SETDB1: variants seen among roughly 807,000 people sequenced by gnomAD.
SETDB1 encodes the protein SET domain bifurcated histone lysine methyltransferase 1.
SETDB1 carries 31 observed loss-of-function variants against 137.4 expected under a neutral mutation model. The ratio of observed to expected loss-of-function variants is 0.23; its 90% CI spans 0.17 to 0.30. SETDB1 has a LOEUF of 0.30. SETDB1 is among the 10% of genes least tolerant of loss of function. SETDB1 has a pLI of 1.00. For synonymous variants in SETDB1, 548 were observed against 579.9 expected (o/e 0.95, Z 0.79); for missense variants, 1,113 against 1,631.5 (o/e 0.68, Z 5.47).
rs1045911494 is a variant in SETDB1, at chr1:150,962,139, G to T, written c.3142G>T (p.Asp1048Tyr). ...ACTTGTTCTTTTCCAGGACACTGAC[G>T]ACCGAAACAAGATGTCAGTGTAAGT... ...IKQAKKEDTD[D>Y]RNKMSVVTES... The change falls in exon 17 of 22, where the codon GAC (aspartate) becomes TAC (tyrosine). Residue 1048 changes from aspartate to tyrosine, a missense_variant. Coordinates refer to ENST00000692827, the MANE Select transcript of SETDB1 (RefSeq NM_001366418.1). The T allele has an allele frequency of 6.2e-7, 1 of 1,613,998 alleles. No homozygotes were observed.
At chr1:150,934,254 C>G (rs1432296413) in intron 3 of SETDB1, among the ~76,000 whole-genome samples, 1 of 152,020 alleles carries the variant, frequency 6.6e-6, no homozygotes, top group Non-Finnish European at 1.5e-5. Flanking sequence ...GGGCAGATCA[C>G]GAGGTCAGGA....
At chr1:150,963,269 GCTTT>G in intron 19 of SETDB1, 130 bp downstream of exon 19, 1 of 845,358 alleles carries the variant, frequency 1.2e-6, no homozygotes, top group Non-Finnish European at 1.8e-6. Context: ...CTCTGGGAGG[GCTTT>G]CTGACTCCAA....
intron 8 of SETDB1, among the ~76,000 whole-genome samples, chr1:150,944,580 A>G (rs1456812813): frequency 1.3e-5 from 2 of 152,230 alleles, no homozygotes; most frequent in East Asian, 3.8e-4. Flanking sequence ...TCATTTCATG[A>G]TGCCACCTGA....
chr1:150,927,844 ATC>A lies in SETDB1; in HGVS notation c.131_132del (p.Ile44ArgfsTer2). The part of the protein sequence containing the change: ...GISMEELRHF[I>X]DEELEKMDCV... ...CTCTATGGAGGAACTTCGGCATTTC[ATC>A]GATGAGGAACTGGAGAAGATGGATT... is the stretch of plus-strand genomic sequence containing the variant. On this transcript the variant is annotated frameshift_variant, in exon 2 of 22. Coordinates refer to ENST00000692827, the MANE Select transcript of SETDB1 (RefSeq NM_001366418.1). LOFTEE classifies it high-confidence loss of function. 6.2e-7 allele frequency: 1 copy of A among 1,614,160 alleles called. No individual in the cohort carries two copies.
chr1:150,945,993 C>T (rs907910891), intron 9 of SETDB1, among the ~76,000 whole-genome samples: 9 of 142,974 alleles, frequency 6.3e-5, no homozygotes, highest in South Asian at 2.3e-4. Context: ...TGAGCCACCA[C>T]GCCTGGCCTG....
At chr1:150,956,983 G>A (rs587647062) in intron 14 of SETDB1, among the ~76,000 whole-genome samples, 1 of 152,180 alleles carries the variant, frequency 6.6e-6, no homozygotes, top group East Asian at 1.9e-4. Context: ...CTGGGCATGT[G>A]GCATGCAGCT....
In SETDB1 at chr1:150,941,439, A is replaced by G; in HGVS notation, c.547+11A>G. ...AGGATCTGCATAAAGGTTAGGGTCA[A>G]GAAATACCTGGGTACAGATGGGAGG... On this transcript the variant is annotated intron_variant, in intron 5 of 21. Coordinates refer to ENST00000692827, the MANE Select transcript of SETDB1 (RefSeq NM_001366418.1). The G allele has an allele frequency of 6.6e-7, 1 of 1,518,922 alleles. No individual in the cohort carries two copies. Among genetic ancestry groups the G allele is most frequent in the Non-Finnish European group, 9.1e-7 (1 of 1,093,404 alleles). 94.1% of individuals were successfully genotyped at this position (1,518,922 alleles called of 1,614,324 possible).
chr1:150,955,632 C>A (rs987442298), intron 14 of SETDB1, among the ~76,000 whole-genome samples: 1 of 152,254 alleles, frequency 6.6e-6, no homozygotes, highest in Non-Finnish European at 1.5e-5. Flanking sequence ...TTAATTCTCT[C>A]ATTGAGCACC....
rs12092692 is a variant in SETDB1, at chr1:150,936,112, G to A, written c.413-3828G>A. On this transcript the variant is annotated intron_variant, in intron 3 of 21. Coordinates refer to ENST00000692827, the MANE Select transcript of SETDB1 (RefSeq NM_001366418.1). ...CACCATTCTCCTGCCTCAGCCTCCC[G>A]AGTAGCTGGGACTACAGGTGCCCGC... 1.6e-3 allele frequency among the ~76,000 whole-genome samples: 250 copies of A among 152,038 alleles called. 1 individual carries two copies. The highest frequency in any genetic ancestry group is 5.7e-3 in the African/African-American group (236 of 41,486).
In SETDB1 at chr1:150,947,021, T is replaced by G. The variant is rs1670352233; in HGVS notation, c.1267+9T>G. 1 of 1,613,400 alleles carries G rather than the reference T, an allele frequency of 6.2e-7. No individual in the cohort carries two copies. Among genetic ancestry groups the G allele is most frequent in the Non-Finnish European group, 8.5e-7 (1 of 1,179,612 alleles). ...GACACGTCCAAATATGGGTATGTCC[T>G]GAAAGATTCCTGGAGGAAGGAAGAA... is the stretch of plus-strand genomic sequence containing the variant. On this transcript the variant is annotated intron_variant, in intron 10 of 21. Coordinates refer to ENST00000692827, the MANE Select transcript of SETDB1 (RefSeq NM_001366418.1).
intron 3 of SETDB1, among the ~76,000 whole-genome samples, chr1:150,932,653 C>T (rs1182436978): frequency 1.3e-5 from 2 of 152,106 alleles, no homozygotes; most frequent in Admixed American, 6.6e-5. Flanking sequence ...TCCAGGATAT[C>T]ACATTAAATA....
At chr1:150,956,098 A>T (rs1360022508) in intron 14 of SETDB1, among the ~76,000 whole-genome samples, 1 of 151,136 alleles carries the variant, frequency 6.6e-6, no homozygotes, top group Non-Finnish European at 1.5e-5. Flanking sequence ...TCTCAAAAAA[A>T]AAAAAAAAGC....
At chr1:150,936,790 A>T (rs917973638) in intron 3 of SETDB1, among the ~76,000 whole-genome samples, 1 of 152,072 alleles carries the variant, frequency 6.6e-6, no homozygotes, top group Admixed American at 6.6e-5. Context: ...AGTAGCTGAG[A>T]CTACAGGCAA....
intron 14 of SETDB1, among the ~76,000 whole-genome samples, chr1:150,957,895 A>G (rs1048625620): frequency 1.3e-5 from 2 of 152,094 alleles, no homozygotes; most frequent in Non-Finnish European, 1.5e-5. Context: ...ATAGAATATG[A>G]GCTCCCCTGG....
chr1:150,930,784 C>T (rs587732390), intron 3 of SETDB1, among the ~76,000 whole-genome samples: 1 of 152,056 alleles, frequency 6.6e-6, no homozygotes, highest in African/African-American at 2.4e-5. Context: ...GATCCACTTG[C>T]CTTGGCCTCC....
Position 150,930,041 on chromosome 1 carries a change from C to A in SETDB1, c.335C>A (p.Ser112Tyr). 6.2e-7 allele frequency: 1 copy of A among 1,613,936 alleles called. No individual in the cohort carries two copies. Among genetic ancestry groups the A allele is most frequent in the Non-Finnish European group, 8.5e-7 (1 of 1,179,840 alleles). Reference sequence around the variant, plus strand: ...GGACTACAATACCGGGACAGTAGCTCTGAGGACGAATCTTCCCGGCCTACA... The same window carrying A: ...GGACTACAATACCGGGACAGTAGCTATGAGGACGAATCTTCCCGGCCTACA... Reference protein sequence around the residue: ...KLGLQYRDSSSEDESSRPTEI... With the variant: ...KLGLQYRDSSYEDESSRPTEI... The change falls in exon 3 of 22, where the codon TCT becomes TAT. Residue 112 changes from serine (S) to tyrosine (Y), a missense_variant. Physicochemically the swap from Ser to Tyr is moderately radical, Grantham distance 144. Transcript: ENST00000692827.
chr1:150,930,159 G>T (rs929529295), intron 3 of SETDB1, 41 bp downstream of exon 3: 3 of 1,529,676 alleles, frequency 2.0e-6, no homozygotes, highest in Non-Finnish European at 2.7e-6. Context: ...CAGGACTGAA[G>T]TTGAAACACT....
intron 9 of SETDB1, 41 bp downstream of exon 9, chr1:150,945,149 G>A (rs202101067): frequency 9.3e-6 from 15 of 1,612,000 alleles, no homozygotes; most frequent in Non-Finnish European, 9.3e-6. Flanking sequence ...GAGGTTGGTG[G>A]GGGGGGAACT....
rs1670860787 is a variant in SETDB1 at position 150,962,680 on chromosome 1, A to G, written c.3255A>G (p.Gln1085=). 1 of 1,614,140 alleles carries G rather than the reference A, an allele frequency of 6.2e-7. No individual in the cohort carries two copies. The change falls in exon 18 of 22, where the codon CAA becomes CAG. Residue 1085 remains glutamine, a synonymous_variant. Transcript: ENST00000692827. ...CACCTAGTAAGACTAGTATGCATCA[A>G]AGCCGAAGACTCATGGCTTCTGCTC... is the stretch of plus-strand genomic sequence containing the variant. ...RRPPSKTSMH[Q]SRRLMASAQS...
Sources: gnomAD v4.1 joint callset for allele counts (sites outside exome capture counted in the v4.1 genomes callset) on GRCh38, gnomAD v4.1.1 for gene constraint, MANE v1.5 for transcripts, NCBI Gene and HGNC (gene_info 2026-07-23, HGNC 2026-07-21) for gene names.